MRTFB: variants seen among roughly 807,000 people sequenced by gnomAD.
MRTFB encodes the protein myocardin related transcription factor B, also known as myocardin-related transcription factor B.
MRTFB carries 29 observed loss-of-function variants against 104.2 expected under a neutral mutation model. The ratio of observed to expected loss-of-function variants is 0.28; its 90% confidence interval spans 0.21 to 0.38. MRTFB has a LOEUF of 0.38. Ranked by LOEUF, MRTFB falls within the 10% of genes least tolerant of loss-of-function variation. The pLI, the probability that MRTFB is intolerant of heterozygous loss-of-function variation, is 1.00. For missense variants in MRTFB, 1,270 were observed against 1,341.6 expected (o/e 0.95, Z 0.83); for synonymous variants, 535 against 519.5 (o/e 1.03, Z -0.41).
At chr16:14,105,329 G>C (rs1212341054) in intron 2 of MRTFB, among the ~76,000 whole-genome samples, 1 of 151,792 alleles carries the variant, frequency 6.6e-6, no homozygotes, top group Non-Finnish European at 1.5e-5. Context: ...AGAAAGGAAT[G>C]ATGTTTACTT....
intron 3 of MRTFB, among the ~76,000 whole-genome samples, chr16:14,179,266 T>C (rs557996617): frequency 1.4e-4 from 21 of 152,358 alleles, no homozygotes; most frequent in African/African-American, 4.3e-4. Flanking sequence ...ACAGTGGTCC[T>C]CACTGCTCTA....
chr16:14,077,261 T>G (rs1596704020), intron 1 of MRTFB, among the ~76,000 whole-genome samples: 1 of 152,330 alleles, frequency 6.6e-6, no homozygotes, highest in South Asian at 2.1e-4. Context: ...TCTGATCCAC[T>G]TAGGATTTAT....
At chr16:14,012,295 C>CTTTTTTTTT in the MRTFB span, among the ~76,000 whole-genome samples, 7 of 107,922 alleles carry the variant, frequency 6.5e-5, 1 homozygote, top group African/African-American at 1.7e-4. Context: ...CTTTTTCTTT[C>CTTTTTTTTT]TTTCTTTTTT....
At chr16:14,129,481 C>CT (rs2037330421) in intron 2 of MRTFB, among the ~76,000 whole-genome samples, 1 of 152,082 alleles carries the variant, frequency 6.6e-6, no homozygotes, top group Non-Finnish European at 1.5e-5. Flanking sequence ...TGTTTTGGCT[C>CT]TTTTGAATAA....
At chr16:14,012,277 G>A in the MRTFB span, among the ~76,000 whole-genome samples, 3 of 135,424 alleles carry the variant, frequency 2.2e-5, no homozygotes, top group Non-Finnish European at 4.7e-5. Context: ...CAACAACCTT[G>A]ACATTTTCTT....
chr16:14,255,656 ATAAT>A (rs2043448078), intron 15 of MRTFB, among the ~76,000 whole-genome samples: 1 of 152,226 alleles, frequency 6.6e-6, no homozygotes, highest in South Asian at 2.1e-4. Flanking sequence ...AATACTTAAA[ATAAT>A]TAATAAAGGA....
chr16:14,039,413 G>A, the MRTFB span, among the ~76,000 whole-genome samples: 3 of 152,136 alleles, frequency 2.0e-5, no homozygotes, highest in African/African-American at 7.2e-5. Flanking sequence ...AATGAATAGA[G>A]CACAGGTCAG....
At chr16:14,213,759 G>C in intron 6 of MRTFB, 139 bp downstream of exon 6, 1 of 579,654 alleles carries the variant, frequency 1.7e-6, no homozygotes, top group Admixed American at 3.5e-5. Context: ...GCAACATGAA[G>C]ACCCAAAACT....
chr16:14,179,489 A>G (rs1171565062), intron 3 of MRTFB, among the ~76,000 whole-genome samples: 1 of 152,204 alleles, frequency 6.6e-6, no homozygotes, highest in Non-Finnish European at 1.5e-5. Context: ...AATTGCATAC[A>G]TTTCCGTAAG....
intron 16 of MRTFB, among the ~76,000 whole-genome samples, chr16:14,260,633 C>G (rs1426723422): frequency 6.6e-6 from 1 of 152,092 alleles, no homozygotes; most frequent in Non-Finnish European, 1.5e-5. Flanking sequence ...TAAAGCATAT[C>G]AGAATGTAAT....
intron 2 of MRTFB, among the ~76,000 whole-genome samples, chr16:14,100,799 G>C (rs1041529606): frequency 2.0e-5 from 3 of 152,168 alleles, no homozygotes; most frequent in Non-Finnish European, 4.4e-5. Flanking sequence ...AGTGAGTTTA[G>C]TAGTATCTTT....
At chr16:14,127,384 C>T (rs995253891) in intron 2 of MRTFB, among the ~76,000 whole-genome samples, 3 of 152,008 alleles carry the variant, frequency 2.0e-5, no homozygotes, top group African/African-American at 4.8e-5. Context: ...GGGCCGGGTG[C>T]GGTAAGTATC....
rs983819054 is a variant in MRTFB, at chr16:14,266,168, C to T, written c.*4724C>T. The T allele has an allele frequency of 6.6e-6, 1 of 152,042 alleles. No individual in the cohort carries two copies. The highest frequency in any genetic ancestry group is 1.5e-5 in the Non-Finnish European group (1 of 68,026). 9.4% of individuals were successfully genotyped at this position (152,042 alleles called of 1,614,324 possible). On this transcript the variant is annotated 3_prime_UTR_variant, in exon 17 of 17. Transcript: ENST00000571589. ...CTAATGAGATCTCAAAAATCAGCCCCAAAAAGGTATTATCCATTTAAGGTT... is the reference window on the plus strand; with the variant it reads ...CTAATGAGATCTCAAAAATCAGCCCTAAAAAGGTATTATCCATTTAAGGTT...
chr16:14,205,057 C>T (rs2040880113), intron 3 of MRTFB, among the ~76,000 whole-genome samples: 1 of 152,136 alleles, frequency 6.6e-6, no homozygotes, highest in Non-Finnish European at 1.5e-5. Flanking sequence ...GAATATTTAT[C>T]ATTGTAGTTA....
intron 3 of MRTFB, among the ~76,000 whole-genome samples, chr16:14,194,702 C>CTTTTTTTTTTTTTTTT (rs5815818): frequency 8.1e-6 from 1 of 123,564 alleles, no homozygotes. Context: ...GTATGCTTTT[C>CTTTTTTTTTTTTTTTT]TTTTTTTTTT....
chr16:14,091,166 G>A (rs1411543629), intron 2 of MRTFB, among the ~76,000 whole-genome samples: 2 of 152,106 alleles, frequency 1.3e-5, no homozygotes, highest in Non-Finnish European at 1.5e-5. Context: ...TGTTACACGA[G>A]TCCAGGTGAC....
chr16:14,157,671 C>T (rs1012931308), intron 3 of MRTFB, among the ~76,000 whole-genome samples: 4 of 152,124 alleles, frequency 2.6e-5, no homozygotes, highest in African/African-American at 9.7e-5. Flanking sequence ...AATAACTGAT[C>T]TACAGCAGAT....
chr16:14,061,549 G>A, the MRTFB span, among the ~76,000 whole-genome samples: 2 of 149,124 alleles, frequency 1.3e-5, no homozygotes, highest in South Asian at 2.1e-4. Context: ...TTTTTTTTCG[G>A]TCTGGCTCAA....
intron 8 of MRTFB, among the ~76,000 whole-genome samples, chr16:14,230,008 A>G (rs1016127364): frequency 2.6e-5 from 4 of 152,140 alleles, no homozygotes; most frequent in East Asian, 3.8e-4. Context: ...ACCTATTTAT[A>G]TTTTAAATAA....
Sources: allele counts gnomAD v4.1 joint callset (sites outside exome capture counted in the v4.1 genomes callset), GRCh38; gene constraint gnomAD v4.1.1; transcripts MANE v1.5; gene names NCBI Gene and HGNC (gene_info 2026-07-23, HGNC 2026-07-21).